Variants in GSTCD observed in about 807,000 individuals in gnomAD.
The protein encoded by GSTCD is glutathione S-transferase C-terminal domain containing, also known as glutathione S-transferase C-terminal domain-containing protein.
GSTCD carries 44 observed loss-of-function variants against 68.3 expected under a neutral mutation model. The ratio of observed to expected loss-of-function variants is 0.64; its 90% CI spans 0.51 to 0.83. The LOEUF is 0.83. Among genes scored for constraint, GSTCD ranks in the 40% least tolerant of loss-of-function variants. The pLI, the probability that GSTCD is intolerant of heterozygous loss-of-function variation, is 0.00. For synonymous variants in GSTCD, 273 were observed against 255.2 expected, an observed-to-expected ratio of 1.07 and a Z score of -0.67; for missense variants, 739 against 735.9, an observed-to-expected ratio of 1.00 and a Z score of -0.05.
intron 5 of GSTCD, among the ~76,000 whole-genome samples, chr4:105,756,145 T>A (rs938424919): frequency 2.1e-4 from 32 of 151,628 alleles, no homozygotes; most frequent in Non-Finnish European, 3.7e-4. Context: ...AGCACAGGAG[T>A]TTCTGTCCCT....
chr4:105,763,016 T>G (rs1254663034), intron 5 of GSTCD, among the ~76,000 whole-genome samples: 2 of 152,182 alleles, frequency 1.3e-5, no homozygotes, highest in Non-Finnish European at 2.9e-5. Context: ...CTCATTTACC[T>G]AATAAACAAG....
chr4:105,727,271 C>CCCAG (rs1733073504), intron 4 of GSTCD, among the ~76,000 whole-genome samples: 1 of 151,758 alleles, frequency 6.6e-6, no homozygotes, highest in African/African-American at 2.4e-5. Context: ...CACCTGTGAT[C>CCCAG]CCAGCACTTT....
chr4:105,734,965 G>A (rs1733404870), intron 5 of GSTCD, among the ~76,000 whole-genome samples: 1 of 152,148 alleles, frequency 6.6e-6, no homozygotes, highest in Non-Finnish European at 1.5e-5. Context: ...TGTTTGCCTG[G>A]GTATCAGCAG....
chr4:105,718,501 A>T (rs1227106891), intron 2 of GSTCD, among the ~76,000 whole-genome samples: 1 of 152,174 alleles, frequency 6.6e-6, no homozygotes, highest in Non-Finnish European at 1.5e-5. Flanking sequence ...GATGCTTCTT[A>T]TATAGCCTGC....
At chr4:105,837,918 C>G (rs752038675) in intron 10 of GSTCD, 29 bp downstream of exon 10, 9 of 907,162 alleles carry the variant, frequency 9.9e-6, no homozygotes, top group Non-Finnish European at 1.5e-5. Flanking sequence ...AGATATCATC[C>G]TAATACACTT....
intron 5 of GSTCD, among the ~76,000 whole-genome samples, chr4:105,811,531 T>TG (rs1722751091): frequency 1.6e-5 from 1 of 63,284 alleles, no homozygotes; most frequent in Non-Finnish European, 2.9e-5. Flanking sequence ...GGGACTGTTG[T>TG]GGGGTGGGGG....
At chr4:105,790,366 G>T (rs1735617456) in intron 5 of GSTCD, among the ~76,000 whole-genome samples, 1 of 152,118 alleles carries the variant, frequency 6.6e-6, no homozygotes, top group Non-Finnish European at 1.5e-5. Flanking sequence ...ATTTAAAAAT[G>T]TGAAAGGCAA....
intron 5 of GSTCD, among the ~76,000 whole-genome samples, chr4:105,818,636 C>A (rs138282903): frequency 6.6e-6 from 1 of 151,572 alleles, no homozygotes; most frequent in Non-Finnish European, 1.5e-5. Context: ...TTAATGGGTA[C>A]ATTTGGAAGG....
In GSTCD at chr4:105,845,623, G is replaced by A. The variant is rs756696780; in HGVS notation, c.*46G>A. On this transcript the variant is annotated 3_prime_UTR_variant, in exon 12 of 12. Transcript: ENST00000515279. The stretch of plus-strand genomic sequence containing the variant: ...TATTTTGCCATCCGTCTTCACGTTG[G>A]ATGCCCAGTGGCATTCAGGAGGTTC... The A allele has an allele frequency of 1.3e-6, 2 of 1,599,672 alleles. No homozygotes were observed. Among genetic ancestry groups the A allele is most frequent in the South Asian group, 1.1e-5 (1 of 90,686 alleles).
At chr4:105,738,684 G>A (rs926116980) in intron 5 of GSTCD, among the ~76,000 whole-genome samples, 3 of 151,638 alleles carry the variant, frequency 2.0e-5, no homozygotes, top group Admixed American at 2.0e-4. Flanking sequence ...TGTTGATTTT[G>A]TATCCTGCAG....
At chr4:105,822,369 C>T (rs1242033507) in intron 5 of GSTCD, among the ~76,000 whole-genome samples, 1 of 151,992 alleles carries the variant, frequency 6.6e-6, no homozygotes, top group East Asian at 1.9e-4. Flanking sequence ...ATACAGTAAC[C>T]ATTGATATAT....
chr4:105,769,451 A>G (rs1237332314), intron 5 of GSTCD, among the ~76,000 whole-genome samples: 2 of 152,208 alleles, frequency 1.3e-5, no homozygotes, highest in African/African-American at 4.8e-5. Context: ...GATGTGGTTT[A>G]TGATCAACTG....
intron 5 of GSTCD, among the ~76,000 whole-genome samples, chr4:105,734,471 T>C (rs1451927591): frequency 6.6e-6 from 1 of 152,228 alleles, no homozygotes; most frequent in Non-Finnish European, 1.5e-5. Context: ...TCTTCCATTT[T>C]ATCGAATCAG....
At chr4:105,743,008 G>A (rs1560806195) in intron 5 of GSTCD, among the ~76,000 whole-genome samples, 1 of 146,138 alleles carries the variant, frequency 6.8e-6, no homozygotes. Flanking sequence ...AGAGTGCAGT[G>A]CCGCGATCTC....
At position 105,771,621 on chromosome 4, in the gene GSTCD, T is replaced by G. The variant is rs188817509; in HGVS notation, c.1240+42122T>G. Among the ~76,000 whole-genome samples, 419 of 152,330 alleles carry G rather than the reference T, an allele frequency of 2.8e-3. 2 individuals carry two copies. Among genetic ancestry groups the G allele is most frequent in the African/African-American group, 9.5e-3 (394 of 41,586 alleles). ...AGTTTTCCCAACACCATTTATTAAA[T>G]AGGGAATCCTTTTCCCATTGCTTGT... On this transcript the variant is annotated intron_variant, in intron 5 of 11. Transcript: ENST00000515279.
intron 5 of GSTCD, among the ~76,000 whole-genome samples, chr4:105,745,024 C>A (rs960209501): frequency 6.6e-6 from 1 of 152,184 alleles, no homozygotes; most frequent in Admixed American, 6.5e-5. Context: ...TGAGTTTATA[C>A]AGATACATCT....
chr4:105,828,137 G>A (rs150461112), intron 8 of GSTCD, among the ~76,000 whole-genome samples: 208 of 152,172 alleles, frequency 1.4e-3, no homozygotes, highest in African/African-American at 4.6e-3. Flanking sequence ...CAGTATTGGC[G>A]AATCCTTTCT....
chr4:105,778,714 T>C (rs116795745), intron 5 of GSTCD, among the ~76,000 whole-genome samples: 56 of 152,266 alleles, frequency 3.7e-4, no homozygotes, highest in Non-Finnish European at 6.3e-4. Flanking sequence ...TGTCTTGAAT[T>C]ATAATATGTT....
At position 105,842,150 on chromosome 4, in the gene GSTCD, GAGC is replaced by G. The variant is rs893910790; in HGVS notation, c.1765+20_1765+22del. On this transcript the variant is annotated intron_variant, in intron 11 of 11. Transcript: ENST00000515279. ...AGGCTCATAGGTATGTGTTTTCACA[GAGC>G]AGCTGTTGAGTGTATTATGCACAAT... 3 of 1,606,892 alleles carry G rather than the reference GAGC, an allele frequency of 1.9e-6. No individual in the cohort carries two copies. The Admixed American group carries it at 5.0e-5, about 27-fold the overall frequency.
Sources: gnomAD v4.1 joint callset for allele counts (sites outside exome capture counted in the v4.1 genomes callset) on GRCh38, gnomAD v4.1.1 for gene constraint, MANE v1.5 for transcripts, NCBI Gene and HGNC (gene_info 2026-07-23, HGNC 2026-07-21) for gene names.